WDFY4: variants seen among roughly 807,000 people sequenced by gnomAD.
WDFY4 encodes the protein WD repeat- and FYVE domain-containing protein 4.
A neutral mutation model predicts 351.9 loss-of-function variants in WDFY4; 169 were observed. That is an observed-to-expected ratio of 0.48 (90% CI 0.42 to 0.55). The LOEUF (loss-of-function observed/expected upper bound fraction) is 0.55. WDFY4 is among the 20% of genes least tolerant of loss of function. The pLI, the probability that WDFY4 is intolerant of heterozygous loss-of-function variation, is 0.00. For missense variants in WDFY4, 3,803 were observed against 3,935.6 expected (o/e 0.97, Z 0.90); for synonymous variants, 1,622 against 1,574.6 (o/e 1.03, Z -0.71).
chr10:48,942,317 A>G (rs1463476415), intron 48 of WDFY4, among the ~76,000 whole-genome samples: 1 of 152,172 alleles, frequency 6.6e-6, no homozygotes, highest in East Asian at 1.9e-4. Flanking sequence ...CCCTGACCAG[A>G]TGTCGGTGAT....
intron 39 of WDFY4, among the ~76,000 whole-genome samples, chr10:48,857,829 G>A (rs970796143): frequency 2.0e-5 from 3 of 151,464 alleles, no homozygotes; most frequent in African/African-American, 7.3e-5. Flanking sequence ...TTTTGCTCTT[G>A]TTGCCCAGGC....
intron 60 of WDFY4, 106 bp from the exon 61 acceptor site, chr10:48,981,261 C>A: frequency 2.1e-6 from 2 of 935,624 alleles, no homozygotes; most frequent in Non-Finnish European, 3.2e-6. Flanking sequence ...TTGCTGACCA[C>A]AAATATAAAT....
chr10:48,702,310 C>T (rs1224094645), intron 1 of WDFY4, among the ~76,000 whole-genome samples: 1 of 152,190 alleles, frequency 6.6e-6, no homozygotes, highest in South Asian at 2.1e-4. Context: ...CTCCAAAGCC[C>T]ACACACTCCT....
intron 34 of WDFY4, among the ~76,000 whole-genome samples, chr10:48,821,751 A>G (rs1021926595): frequency 1.3e-5 from 2 of 152,128 alleles, no homozygotes; most frequent in Non-Finnish European, 2.9e-5. Context: ...CTTGCCTCCT[A>G]CTCAGAAGCC....
chr10:48,888,396 C>T (rs2070555536), intron 43 of WDFY4, among the ~76,000 whole-genome samples: 1 of 151,390 alleles, frequency 6.6e-6, no homozygotes, highest in African/African-American at 2.4e-5. Flanking sequence ...CCTGTCAATT[C>T]TCCATCTTCT....
intron 44 of WDFY4, among the ~76,000 whole-genome samples, chr10:48,895,209 G>T (rs1837014971): frequency 6.6e-6 from 1 of 152,220 alleles, no homozygotes; most frequent in African/African-American, 2.4e-5. Context: ...GCACATGCTG[G>T]ACTGCCACTG....
In WDFY4 at chr10:48,806,616, G is replaced by C. The variant is rs141991959; in HGVS notation, c.4738+521G>C. Among the ~76,000 whole-genome samples the C allele has an allele frequency of 5.0e-3, 766 of 152,322 alleles. 4 individuals carry two copies. Among genetic ancestry groups the C allele is most frequent in the African/African-American group, 0.017 (717 of 41,564 alleles). On this transcript the variant is annotated intron_variant, in intron 27 of 61. Coordinates refer to ENST00000325239, the MANE Select transcript of WDFY4 (RefSeq NM_001394531.1). ...CCCCTTGGGGTTACCCTACTGAATA[G>C]ATTTGTAGTTTGTTTATGTGAGTCT...
At chr10:48,974,807 C>T (rs1338622457) in intron 57 of WDFY4, 55 bp from the exon 58 acceptor site, 2 of 1,461,476 alleles carry the variant, frequency 1.4e-6, no homozygotes, top group Non-Finnish European at 1.8e-6. Flanking sequence ...TGAAGAATTC[C>T]CAAAAGTAGC....
At chr10:48,776,257 T>C (rs12412647) in intron 15 of WDFY4, among the ~76,000 whole-genome samples, 8,742 of 152,216 alleles carry the variant, frequency 0.057, 591 homozygotes, top group East Asian at 0.34. Flanking sequence ...GAAAAGAAAC[T>C]CGTGGACATC....
intron 39 of WDFY4, among the ~76,000 whole-genome samples, chr10:48,855,863 C>G (rs1213637577): frequency 6.6e-6 from 1 of 151,940 alleles, no homozygotes; most frequent in African/African-American, 2.4e-5. Flanking sequence ...ACTATAATTA[C>G]TCCATTCATT....
In WDFY4 at chr10:48,820,307, G is replaced by T. The variant is rs1344830700; in HGVS notation, c.5579G>T (p.Gly1860Val). 3 of 1,551,436 alleles carry T rather than the reference G, an allele frequency of 1.9e-6. No homozygotes were observed. Among genetic ancestry groups the T allele is most frequent in the Non-Finnish European group, 2.6e-6 (3 of 1,146,980 alleles). The change falls in exon 33 of 62, where the codon GGT (glycine) becomes GTT (valine). Residue 1860 changes from glycine (G) to valine (V), a missense_variant. Around this residue, in one of 3 missense-constraint regions of WDFY4, gnomAD observed 3,054 missense variants for 3,148.6 expected, o/e 0.97. Transcript: ENST00000325239. ...AAAEGDSTVEGLQAPTKAHPA... is the reference protein window; with the variant it reads ...AAAEGDSTVEVLQAPTKAHPA... ...GCTGAAGGCGACAGCACAGTGGAGG[G>T]TCTCCAGGCTCCCACCAAGGCACAT...
intron 12 of WDFY4, among the ~76,000 whole-genome samples, chr10:48,755,434 G>C (rs34584605): frequency 0.14 from 20,723 of 152,104 alleles, 1,656 homozygotes; most frequent in African/African-American, 0.21. Flanking sequence ...TCATATCTAA[G>C]ATCTCTTTGC....
intron 47 of WDFY4, 86 bp from the exon 48 acceptor site, chr10:48,941,720 G>T (rs563987880): frequency 5.0e-6 from 7 of 1,412,444 alleles, no homozygotes; most frequent in Non-Finnish European, 6.8e-6. Flanking sequence ...CCCTGGTCCC[G>T]TGAAGCCCAG....
chr10:48,823,499 T>C (rs903786385), intron 35 of WDFY4: 4 of 1,151,570 alleles, frequency 3.5e-6, no homozygotes, highest in Non-Finnish European at 4.3e-6. Context: ...ACTGGGCCTC[T>C]TCACAGTTTC....
At chr10:48,843,357 CT>C (rs2068672788) in intron 39 of WDFY4, among the ~76,000 whole-genome samples, 1 of 152,164 alleles carries the variant, frequency 6.6e-6, no homozygotes, top group Admixed American at 6.5e-5. Flanking sequence ...TGCAGGTCAA[CT>C]TGCAATATTT....
At chr10:48,863,017 CAT>C (rs534164115) in intron 39 of WDFY4, among the ~76,000 whole-genome samples, 56 of 152,324 alleles carry the variant, frequency 3.7e-4, no homozygotes, top group East Asian at 1.3e-3. Flanking sequence ...CATGTTATAA[CAT>C]GTGTCAATAC....
intron 47 of WDFY4, chr10:48,913,814 G>A (rs756344212): frequency 9.9e-6 from 16 of 1,614,056 alleles, no homozygotes; most frequent in African/African-American, 2.7e-5. Flanking sequence ...TCAGCTCCAC[G>A]GGCAGCCCGT....
At chr10:48,824,839 T>TA (rs753294274) in intron 35 of WDFY4, among the ~76,000 whole-genome samples, 1 of 152,200 alleles carries the variant, frequency 6.6e-6, no homozygotes, top group Non-Finnish European at 1.5e-5. Context: ...GATAGGGTCT[T>TA]ACTATGTTGC....
intron 28 of WDFY4, among the ~76,000 whole-genome samples, 162 bp from the exon 29 acceptor site, chr10:48,810,368 G>C (rs2067405808): frequency 6.6e-6 from 1 of 152,196 alleles, no homozygotes; most frequent in Admixed American, 6.5e-5. Flanking sequence ...AATCTTGCCA[G>C]CATTTTATTT....
Sources: allele counts gnomAD v4.1 joint callset (sites outside exome capture counted in the v4.1 genomes callset), GRCh38; gene constraint gnomAD v4.1.1; regional missense constraint gnomAD v4.1.1; transcripts MANE v1.5; gene names NCBI Gene and HGNC (gene_info 2026-07-23, HGNC 2026-07-21).